EMCN: variants seen among roughly 807,000 people sequenced by gnomAD.
EMCN encodes the protein endomucin.
In EMCN, 37 loss-of-function variants were observed where a neutral mutation model predicts 38.4. The observed-to-expected ratio is 0.96, with a 90% CI of 0.74 to 1.27. The LOEUF is 1.27. EMCN is among the 50% of genes most tolerant of loss of function. The pLI is 0.00. For synonymous variants in EMCN, 95 were observed against 100.8 expected (o/e 0.94, Z 0.35); for missense variants, 318 against 302.8 (o/e 1.05, Z -0.37).
rs537455311 is a variant in EMCN, at chr4:100,455,020, G to A, written c.377-7449C>T. Among the ~76,000 whole-genome samples, 206 of 152,132 alleles carry A rather than the reference G, an allele frequency of 1.4e-3. 1 individual carries two copies. The highest frequency in any genetic ancestry group is 4.7e-3 in the African/African-American group (196 of 41,536). ...ACAATCTTATCTTTATAAATAAAAT[G>A]TTTAAGCCGTTTTATTTTATGTGAT... is the stretch of plus-strand genomic sequence containing the variant. On this transcript the variant is annotated intron_variant, in intron 4 of 11. Coordinates refer to ENST00000296420, the MANE Select transcript of EMCN (RefSeq NM_016242.4).
At chr4:100,485,580 TAA>T (rs1560635898) in intron 1 of EMCN, among the ~76,000 whole-genome samples, 1 of 150,834 alleles carries the variant, frequency 6.6e-6, no homozygotes, top group East Asian at 1.9e-4. Flanking sequence ...TCTCACATAT[TAA>T]AGAGATATAT....
intron 4 of EMCN, among the ~76,000 whole-genome samples, chr4:100,457,553 T>G (rs186131644): frequency 7.4e-4 from 112 of 152,338 alleles, no homozygotes; most frequent in African/African-American, 2.5e-3. Context: ...ACAATTGAGA[T>G]AATCATGTGG....
Position 100,475,038 on chromosome 4 carries a change from C to G in EMCN, c.259G>C (p.Gly87Arg), listed in dbSNP as rs1210710037. The change falls in exon 3 of 12, where the codon GGA (glycine) becomes CGA (arginine). Residue 87 changes from glycine (G) to arginine (R), a missense_variant and splice_region_variant. By Grantham distance (125) the Gly-to-Arg change is moderately radical. Coordinates refer to ENST00000296420, the MANE Select transcript of EMCN (RefSeq NM_016242.4). ...TGTAGAAAAATGAATCATTACTCACCTTCATCTTTACTTGTTAAAAAAGTA... is the reference window on the plus strand; with the variant it reads ...TGTAGAAAAATGAATCATTACTCACGTTCATCTTTACTTGTTAAAAAAGTA... ...TATFLTSKDE[G>R]LKATTTDVRK... 3 of 1,481,834 alleles carry G rather than the reference C, an allele frequency of 2.0e-6. No individual in the cohort carries two copies. The allele number at this position is 1,481,834 out of a possible 1,614,324, so 91.8% of individuals were successfully genotyped here.
chr4:100,463,842 T>A (rs961845028), intron 4 of EMCN, among the ~76,000 whole-genome samples: 1 of 152,162 alleles, frequency 6.6e-6, no homozygotes, highest in Non-Finnish European at 1.5e-5. Context: ...GTTTTGAAAT[T>A]GGGTTGTGTC....
intron 4 of EMCN, among the ~76,000 whole-genome samples, chr4:100,461,400 G>A (rs1442869796): frequency 6.6e-6 from 1 of 151,984 alleles, no homozygotes; most frequent in Admixed American, 6.6e-5. Context: ...TCATCCACTA[G>A]AAGGTAAATT....
intron 8 of EMCN, among the ~76,000 whole-genome samples, chr4:100,420,373 A>G (rs1726854014): frequency 6.6e-6 from 1 of 152,020 alleles, no homozygotes; most frequent in African/African-American, 2.4e-5. Flanking sequence ...TTGAGTCCTA[A>G]TGGGTAAGTT....
chr4:100,415,920 A>C lies in EMCN; in HGVS notation c.729T>G (p.Val243=). 1 of 1,589,380 alleles carries C rather than the reference A, an allele frequency of 6.3e-7. No individual in the cohort carries two copies. Among genetic ancestry groups the C allele is most frequent in the Non-Finnish European group, 8.5e-7 (1 of 1,170,920 alleles). The change falls in exon 10 of 12, where the codon GTT becomes GTG. Residue 243 remains valine (V), a synonymous_variant. Coordinates refer to ENST00000296420, the MANE Select transcript of EMCN (RefSeq NM_016242.4). ...TACCAGACTCATGAGAAATTGTCTT[A>C]ACGGTAAGAAGCTTCACGCTCTCTT... ...SDKESVKLLT[V]KTISHESGEH...
chr4:100,492,694 A>C (rs1271169243), intron 1 of EMCN, among the ~76,000 whole-genome samples: 1 of 152,222 alleles, frequency 6.6e-6, no homozygotes, highest in East Asian at 1.9e-4. Flanking sequence ...AAGGGATCCC[A>C]ATACAACTAT....
At chr4:100,441,311 C>A (rs1727510064) in intron 5 of EMCN, among the ~76,000 whole-genome samples, 1 of 152,080 alleles carries the variant, frequency 6.6e-6, no homozygotes, top group Non-Finnish European at 1.5e-5. Context: ...TATATTTCAT[C>A]AGGTGTAAGT....
At chr4:100,456,062 G>A (rs1006392626) in intron 4 of EMCN, among the ~76,000 whole-genome samples, 1 of 152,088 alleles carries the variant, frequency 6.6e-6, no homozygotes, top group Non-Finnish European at 1.5e-5. Context: ...CTCAAGTGTT[G>A]GAACTACTTT....
At chr4:100,408,799 A>C (rs1726468008) in intron 11 of EMCN, among the ~76,000 whole-genome samples, 1 of 152,158 alleles carries the variant, frequency 6.6e-6, no homozygotes. Context: ...ACTGCCAATT[A>C]GAATAATCAG....
chr4:100,455,898 A>T (rs554813684), intron 4 of EMCN, among the ~76,000 whole-genome samples: 1 of 151,878 alleles, frequency 6.6e-6, no homozygotes, highest in East Asian at 1.9e-4. Context: ...TGGCTCAATC[A>T]ATCCTCCTGC....
intron 5 of EMCN, among the ~76,000 whole-genome samples, chr4:100,430,040 G>A (rs1032687037): frequency 3.3e-5 from 5 of 152,222 alleles, no homozygotes; most frequent in Middle Eastern, 3.4e-3. Context: ...CATTCTGAAA[G>A]TTTTGAGATA....
chr4:100,417,994 T>G (rs1231576552), intron 8 of EMCN, among the ~76,000 whole-genome samples: 1 of 152,210 alleles, frequency 6.6e-6, no homozygotes, highest in Non-Finnish European at 1.5e-5. Flanking sequence ...ATAATTCTCC[T>G]GGCTTTGACT....
chr4:100,424,393 G>T (rs991786733), intron 5 of EMCN, among the ~76,000 whole-genome samples: 3 of 152,016 alleles, frequency 2.0e-5, no homozygotes, highest in African/African-American at 7.2e-5. Flanking sequence ...TGGGTACAGG[G>T]GGTATGCAGT....
intron 1 of EMCN, among the ~76,000 whole-genome samples, chr4:100,481,903 T>A (rs1728816408): frequency 6.6e-6 from 1 of 151,538 alleles, no homozygotes; most frequent in African/African-American, 2.4e-5. Flanking sequence ...CCTTCTTTCC[T>A]CCCTCTTTCC....
chr4:100,402,923 G>A (rs1726295008), intron 11 of EMCN, among the ~76,000 whole-genome samples: 1 of 151,838 alleles, frequency 6.6e-6, no homozygotes, highest in Admixed American at 6.6e-5. Context: ...CCCTTTACTA[G>A]CCACTGGGTT....
intron 1 of EMCN, among the ~76,000 whole-genome samples, chr4:100,505,702 A>G (rs1221856635): frequency 1.3e-5 from 2 of 152,080 alleles, no homozygotes. Flanking sequence ...GCGCCACATC[A>G]AGTAATGTCT....
intron 3 of EMCN, 97 bp downstream of exon 3, chr4:100,474,941 A>G (rs1578218310): frequency 2.0e-6 from 1 of 508,354 alleles, no homozygotes; most frequent in Non-Finnish European, 3.2e-6. Context: ...TTGTTAAAAT[A>G]CTAAAAACTT....
Sources: allele counts gnomAD v4.1 joint callset (sites outside exome capture counted in the v4.1 genomes callset), GRCh38; gene constraint gnomAD v4.1.1; transcripts MANE v1.5; gene names NCBI Gene and HGNC (gene_info 2026-07-23, HGNC 2026-07-21).